Variants in LNX1 observed in about 807,000 individuals in gnomAD.
The protein encoded by LNX1 is ligand of numb-protein X 1.
In LNX1, 54 loss-of-function variants were observed where a neutral mutation model predicts 68.4. The ratio of observed to expected loss-of-function variants is 0.79; its 90% CI spans 0.63 to 0.99. The LOEUF (loss-of-function observed/expected upper bound fraction) is 0.99, where lower values mean the gene tolerates loss of function less well. Among genes scored for constraint, LNX1 ranks in the 50% least tolerant of loss-of-function variants. The pLI is 0.00. For synonymous variants in LNX1, 336 were observed against 350.0 expected, an observed-to-expected ratio of 0.96 and a Z score of 0.45; for missense variants, 906 against 926.4, an observed-to-expected ratio of 0.98 and a Z score of 0.29.
chr4:53,553,495 T>G (rs758980725), intron 2 of LNX1, among the ~76,000 whole-genome samples: 9 of 152,194 alleles, frequency 5.9e-5, no homozygotes, highest in Non-Finnish European at 1.3e-4. Context: ...TACACTGTTC[T>G]AAGGTTTTCA....
chr4:53,557,201 CAG>C (rs1227054284), intron 2 of LNX1, among the ~76,000 whole-genome samples: 3 of 152,084 alleles, frequency 2.0e-5, no homozygotes, highest in African/African-American at 7.2e-5. Context: ...CTTTATTTTT[CAG>C]AGATGCACAA....
At chr4:53,480,389 A>C (rs1477591576) in intron 7 of LNX1, among the ~76,000 whole-genome samples, 1 of 152,230 alleles carries the variant, frequency 6.6e-6, no homozygotes, top group Admixed American at 6.5e-5. Flanking sequence ...ACCACAGTGC[A>C]GATGGAGGCT....
At chr4:53,626,777 AG>A (rs1452668767) in intron 1 of LNX1, among the ~76,000 whole-genome samples, 2 of 145,358 alleles carry the variant, frequency 1.4e-5, no homozygotes, top group African/African-American at 2.5e-5. Context: ...GGGTTTCTTA[AG>A]GGTTTCAGAA....
rs1180566027 is a variant in LNX1, at chr4:53,474,777, T to TG, written c.1892+1975_1892+1976insC. Among the ~76,000 whole-genome samples the TG allele has an allele frequency of 2.6e-5, 4 of 151,446 alleles. No homozygotes were observed. The South Asian group carries it at 6.3e-4, about 24-fold the overall frequency. On this transcript the variant is annotated intron_variant, in intron 9 of 10. Transcript: ENST00000263925. ...CAAAGTGCAGACTCTACTTCTTCTT[T>TG]TTTTTTTGAGACAGAGTCTCTCTCT...
intron 1 of LNX1, among the ~76,000 whole-genome samples, chr4:53,650,290 C>T (rs137976885): frequency 2.4e-3 from 370 of 152,270 alleles, no homozygotes; most frequent in African/African-American, 8.2e-3. Flanking sequence ...GGAGGACATA[C>T]GGTAGCTCCA....
chr4:53,486,344 C>A (rs546613967), intron 6 of LNX1, among the ~76,000 whole-genome samples: 24 of 152,214 alleles, frequency 1.6e-4, no homozygotes, highest in Non-Finnish European at 2.9e-4. Context: ...GCCTCAGCAT[C>A]CAGAGTAGCT....
chr4:53,647,803 C>G (rs1407273673), intron 1 of LNX1, among the ~76,000 whole-genome samples: 1 of 152,210 alleles, frequency 6.6e-6, no homozygotes, highest in East Asian at 1.9e-4. Context: ...TGCCATTCAA[C>G]TTTCTGTCTC....
At position 53,515,973 on chromosome 4, in the gene LNX1, G is replaced by A. The variant is rs144943429; in HGVS notation, c.381-7746C>T. On this transcript the variant is annotated intron_variant, in intron 2 of 10. Transcript: ENST00000263925. ...GGTTTAAAGATTCGCACAAAAGGCCGAGTGTGGTGGCTCATGCTTATAATC... is the reference window on the plus strand; with the variant it reads ...GGTTTAAAGATTCGCACAAAAGGCCAAGTGTGGTGGCTCATGCTTATAATC... Among the ~76,000 whole-genome samples the A allele has an allele frequency of 3.5e-4, 53 of 152,282 alleles. No homozygotes were observed. The East Asian group carries it at 8.7e-3, about 25-fold the overall frequency.
At chr4:53,547,878 C>T (rs1171292884) in intron 2 of LNX1, among the ~76,000 whole-genome samples, 4 of 152,186 alleles carry the variant, frequency 2.6e-5, no homozygotes, top group African/African-American at 4.8e-5. Flanking sequence ...GAATATGGTT[C>T]GGGGGTCCTG....
chr4:53,468,868 T>G (rs1359672843), intron 9 of LNX1, among the ~76,000 whole-genome samples: 44 of 152,180 alleles, frequency 2.9e-4, no homozygotes, highest in Admixed American at 2.9e-3. Context: ...CAAAGAGACT[T>G]AGACTCCCAC....
At chr4:53,522,997 T>G (rs770716676) in intron 2 of LNX1, 1 of 152,244 alleles carries the variant, frequency 6.6e-6, no homozygotes, top group Non-Finnish European at 1.5e-5. Context: ...CAGTGGTTCT[T>G]AACCTTGGCT....
At chr4:53,630,313 C>T (rs1233423565) in intron 1 of LNX1, among the ~76,000 whole-genome samples, 1 of 151,872 alleles carries the variant, frequency 6.6e-6, no homozygotes, top group African/African-American at 2.4e-5. Context: ...TTTTTGTAAC[C>T]CCCAGATCAG....
At chr4:53,499,051 C>A (rs1333566798) in intron 4 of LNX1, among the ~76,000 whole-genome samples, 1 of 152,176 alleles carries the variant, frequency 6.6e-6, no homozygotes, top group Non-Finnish European at 1.5e-5. Context: ...CTTCAAGGCC[C>A]TTCCAATTAA....
At chr4:53,651,060 G>A (rs1406820896) in intron 1 of LNX1, among the ~76,000 whole-genome samples, 2 of 152,146 alleles carry the variant, frequency 1.3e-5, no homozygotes, top group African/African-American at 4.8e-5. Flanking sequence ...GTTAACTGAG[G>A]TACCCCAAAA....
At chr4:53,498,496 CAG>C (rs1420770077) in intron 5 of LNX1, 143 bp downstream of exon 5, 11 of 638,790 alleles carry the variant, frequency 1.7e-5, no homozygotes, top group East Asian at 2.7e-5. Context: ...TGACAAATCT[CAG>C]AGAGTCATAA....
intron 1 of LNX1, among the ~76,000 whole-genome samples, chr4:53,626,044 T>C (rs1734063431): frequency 1.3e-5 from 2 of 152,168 alleles, no homozygotes; most frequent in Non-Finnish European, 1.5e-5. Flanking sequence ...TGTAACAGAA[T>C]GTTATTCACC....
intron 1 of LNX1, among the ~76,000 whole-genome samples, chr4:53,590,515 A>AACAGAATTAG (rs56303907): frequency 6.6e-6 from 1 of 151,812 alleles, no homozygotes; most frequent in South Asian, 2.1e-4. Context: ...GGCTGTCAAG[A>AACAGAATTAG]TACAGGCTGT....
At chr4:53,632,431 C>T in intron 1 of LNX1, among the ~76,000 whole-genome samples, 1 of 152,150 alleles carries the variant, frequency 6.6e-6, no homozygotes, top group East Asian at 1.9e-4. Context: ...ATAGCTGCTC[C>T]CTTGAGATGT....
At position 53,496,011 on chromosome 4, in the gene LNX1, C is replaced by T. The variant is rs1725027613; in HGVS notation, c.1350+12G>A. On this transcript the variant is annotated intron_variant, in intron 6 of 10. Coordinates refer to ENST00000263925, the MANE Select transcript of LNX1 (RefSeq NM_001126328.3). Reference sequence around the variant, plus strand: ...GTTTCTGACTGGGATCCTGGAATGACCTCTGACTCACCTGAATCAGATGAG... The same window carrying T: ...GTTTCTGACTGGGATCCTGGAATGATCTCTGACTCACCTGAATCAGATGAG... The T allele has an allele frequency of 1.2e-6, 2 of 1,606,718 alleles. No homozygotes were observed. The highest frequency in any genetic ancestry group is 3.3e-5 in the Admixed American group (2 of 59,782).
Sources: allele counts gnomAD v4.1 joint callset (sites outside exome capture counted in the v4.1 genomes callset), GRCh38; gene constraint gnomAD v4.1.1; transcripts MANE v1.5; gene names NCBI Gene and HGNC (gene_info 2026-07-23, HGNC 2026-07-21).